ZMAT4: variants seen among roughly 807,000 people sequenced by gnomAD.
ZMAT4 encodes zinc finger matrin-type 4.
Under a neutral mutation model 28.7 loss-of-function variants are expected in ZMAT4, and 17 were observed. The observed-to-expected ratio is 0.59, with a 90% CI of 0.41 to 0.89. The LOEUF is 0.89. Among genes scored for constraint, ZMAT4 ranks in the 40% least tolerant of loss-of-function variants. ZMAT4 has a pLI of 0.00. For synonymous variants in ZMAT4, 117 were observed against 109.2 expected (o/e 1.07, Z -0.44); for missense variants, 240 against 283.8 (o/e 0.85, Z 1.11).
chr8:40,707,146 T>G (rs1213322886), intron 3 of ZMAT4, among the ~76,000 whole-genome samples: 1 of 152,080 alleles, frequency 6.6e-6, no homozygotes, highest in Non-Finnish European at 1.5e-5. Flanking sequence ...TTCATTAGGC[T>G]TCCCCGGGAC....
At chr8:40,771,350 C>A (rs565456780) in intron 2 of ZMAT4, among the ~76,000 whole-genome samples, 286 of 137,360 alleles carry the variant, frequency 2.1e-3, no homozygotes, top group African/African-American at 7.1e-3. Flanking sequence ...AGAAAAAAAA[C>A]CCATGATTCA....
chr8:40,643,634 T>A (rs942931160), intron 5 of ZMAT4, among the ~76,000 whole-genome samples: 5 of 152,086 alleles, frequency 3.3e-5, no homozygotes, highest in African/African-American at 1.2e-4. Flanking sequence ...CGATGAGTGC[T>A]ACAGTTGTAC....
intron 3 of ZMAT4, among the ~76,000 whole-genome samples, chr8:40,737,067 G>T (rs575709348): frequency 6.6e-6 from 1 of 152,212 alleles, no homozygotes; most frequent in Admixed American, 6.5e-5. Context: ...TCAACAGGCT[G>T]GGTGGTGATT....
At chr8:40,837,011 A>G (rs987514521) in intron 1 of ZMAT4, among the ~76,000 whole-genome samples, 9 of 152,268 alleles carry the variant, frequency 5.9e-5, no homozygotes, top group African/African-American at 1.9e-4. Flanking sequence ...ATGGCTGGAT[A>G]GATACCATGT....
At chr8:40,853,684 A>G (rs186910982) in intron 1 of ZMAT4, among the ~76,000 whole-genome samples, 1 of 152,252 alleles carries the variant, frequency 6.6e-6, no homozygotes, top group East Asian at 1.9e-4. Flanking sequence ...ACTGATTTTC[A>G]GTGATTTGGT....
chr8:40,687,858 A>T (rs1005881992), intron 4 of ZMAT4, among the ~76,000 whole-genome samples: 7 of 152,218 alleles, frequency 4.6e-5, no homozygotes, highest in African/African-American at 1.7e-4. Context: ...AGTTTCCACT[A>T]ATCAGGAAAT....
At chr8:40,790,748 C>T (rs1418746855) in intron 2 of ZMAT4, among the ~76,000 whole-genome samples, 1 of 152,142 alleles carries the variant, frequency 6.6e-6, no homozygotes, top group African/African-American at 2.4e-5. Flanking sequence ...CAATGAAAAC[C>T]TCTGTAGCCA....
intron 3 of ZMAT4, among the ~76,000 whole-genome samples, chr8:40,763,302 T>C (rs1189918903): frequency 6.6e-6 from 1 of 152,148 alleles, no homozygotes; most frequent in Middle Eastern, 3.2e-3. Flanking sequence ...AGAGTAGATC[T>C]CCTTTTGTTT....
chr8:40,608,738 G>C (rs1356808459), intron 5 of ZMAT4, among the ~76,000 whole-genome samples: 1 of 152,200 alleles, frequency 6.6e-6, no homozygotes, highest in Admixed American at 6.5e-5. Flanking sequence ...CCTGGGGACT[G>C]AGAGTGCCCA....
At position 40,733,728 on chromosome 8, in the gene ZMAT4, G is replaced by A. The variant is rs1399287216; in HGVS notation, c.192+33913C>T. Among the ~76,000 whole-genome samples the A allele has an allele frequency of 2.6e-5, 4 of 152,066 alleles. No homozygotes were observed. The East Asian group carries it at 5.8e-4, about 22-fold the overall frequency. On this transcript the variant is annotated intron_variant, in intron 3 of 6. Coordinates refer to ENST00000297737, the MANE Select transcript of ZMAT4 (RefSeq NM_024645.3). ...GGTGGGATCCAGTTTAAGAAATACTGGTTGTGAAAGGCAGCCTTAGAACAG... is the reference window on the plus strand; with the variant it reads ...GGTGGGATCCAGTTTAAGAAATACTAGTTGTGAAAGGCAGCCTTAGAACAG...
intron 4 of ZMAT4, among the ~76,000 whole-genome samples, chr8:40,681,316 G>A (rs1563408265): frequency 6.6e-6 from 1 of 152,176 alleles, no homozygotes; most frequent in Admixed American, 6.5e-5. Flanking sequence ...GGATTATTTG[G>A]AAATGCGCAT....
intron 1 of ZMAT4, among the ~76,000 whole-genome samples, chr8:40,835,891 C>T (rs564863311): frequency 2.6e-5 from 4 of 152,164 alleles, no homozygotes; most frequent in Middle Eastern, 3.2e-3. Context: ...TCTAACTGCT[C>T]GGTGCTGATT....
chr8:40,551,032 T>A (rs1803354605), intron 6 of ZMAT4, among the ~76,000 whole-genome samples: 1 of 152,158 alleles, frequency 6.6e-6, no homozygotes, highest in African/African-American at 2.4e-5. Flanking sequence ...TGCCATTGTA[T>A]CTATTATGCT....
At chr8:40,881,532 A>AAGAAACG (rs770972168) in intron 1 of ZMAT4, among the ~76,000 whole-genome samples, 2,426 of 26,762 alleles carry the variant, frequency 0.091, 210 homozygotes, top group Non-Finnish European at 0.1. Flanking sequence ...GAGAGACAGA[A>AAGAAACG]AGAAAGAAAG....
At chr8:40,578,362 G>T (rs1453505883) in intron 6 of ZMAT4, among the ~76,000 whole-genome samples, 1 of 151,916 alleles carries the variant, frequency 6.6e-6, no homozygotes, top group African/African-American at 2.4e-5. Flanking sequence ...ATTAACACTA[G>T]GTGGATCAAA....
chr8:40,871,688 G>A (rs1271936441), intron 1 of ZMAT4, among the ~76,000 whole-genome samples: 1 of 152,134 alleles, frequency 6.6e-6, no homozygotes, highest in Non-Finnish European at 1.5e-5. Context: ...CAACCCACCC[G>A]CTAGCTAGCC....
At chr8:40,858,391 G>A (rs1817372388) in intron 1 of ZMAT4, among the ~76,000 whole-genome samples, 1 of 152,194 alleles carries the variant, frequency 6.6e-6, no homozygotes, top group Non-Finnish European at 1.5e-5. Flanking sequence ...AAGGCCATGT[G>A]CAAAACAGAT....
chr8:40,583,902 C>T (rs1266127575), intron 5 of ZMAT4, among the ~76,000 whole-genome samples: 1 of 152,108 alleles, frequency 6.6e-6, no homozygotes, highest in Non-Finnish European at 1.5e-5. Flanking sequence ...ATTTTTACAT[C>T]AACAGTAGGG....
At chr8:40,893,184 TACA>T (rs1420739436) in intron 1 of ZMAT4, among the ~76,000 whole-genome samples, 3 of 152,212 alleles carry the variant, frequency 2.0e-5, no homozygotes, top group Non-Finnish European at 2.9e-5. Flanking sequence ...CTTCTTCTGT[TACA>T]ACATCTTCCG....
Sources: allele counts gnomAD v4.1 joint callset (sites outside exome capture counted in the v4.1 genomes callset), GRCh38; gene constraint gnomAD v4.1.1; transcripts MANE v1.5; gene names NCBI Gene and HGNC (gene_info 2026-07-23, HGNC 2026-07-21).